Variants in USP9Y observed in about 807,000 individuals in gnomAD.
USP9Y encodes ubiquitin specific peptidase 9 Y-linked, also known as ubiquitin carboxyl-terminal hydrolase 9Y.
Under a neutral mutation model 53.1 loss-of-function variants are expected in USP9Y, and 41 were observed. That is an observed-to-expected ratio of 0.77 (90% CI 0.60 to 1.00). The LOEUF (loss-of-function observed/expected upper bound fraction) is 1.00. Ranked by LOEUF, USP9Y falls within the 50% of genes least tolerant of loss-of-function variation. The pLI is 0.00. For missense variants in USP9Y, 567 were observed against 535.8 expected, an observed-to-expected ratio of 1.06 and a Z score of -0.58; for synonymous variants, 220 against 173.7, an observed-to-expected ratio of 1.27 and a Z score of -2.09.
chrY:12,830,463 T>A lies in USP9Y; in HGVS notation c.5022-3225T>A, dbSNP rs752897674. Among the ~76,000 whole-genome samples the A allele has an allele frequency of 3.2e-4, 11 of 33,893 alleles. No individual in the cohort carries two copies. The South Asian group carries it at 7.1e-3, about 22-fold the overall frequency. 90.9% of individuals were successfully genotyped at this position (33,893 alleles called of 37,273 possible). ...ATTCAACAAGTGAAACTAATCAGTG[T>A]AATACACCACTTTAATAAATGAGCA... On this transcript the variant is annotated intron_variant, in intron 33 of 45. Coordinates refer to ENST00000338981, the MANE Select transcript of USP9Y (RefSeq NM_004654.4).
chrY:12,760,649 GA>G, intron 15 of USP9Y, 32 bp downstream of exon 15: 1 of 392,152 alleles, frequency 2.6e-6, no homozygotes, highest in Non-Finnish European at 3.6e-6. Flanking sequence ...TAACTATGGG[GA>G]ATCAACTTTG....
intron 12 of USP9Y, among the ~76,000 whole-genome samples, chrY:12,750,896 T>C (rs2053463730): frequency 3.0e-5 from 1 of 33,839 alleles, no homozygotes; most frequent in Admixed American, 2.7e-4. Context: ...CCAGAATGAC[T>C]AACCTTATTC....
intron 22 of USP9Y, among the ~76,000 whole-genome samples, chrY:12,785,386 G>C: frequency 3.0e-5 from 1 of 33,182 alleles, no homozygotes; most frequent in Non-Finnish European, 7.5e-5. Context: ...ACTAGATTTT[G>C]TTGATCCCCT....
intron 31 of USP9Y, among the ~76,000 whole-genome samples, chrY:12,815,312 C>A: frequency 3.0e-5 from 1 of 33,305 alleles, no homozygotes; most frequent in Non-Finnish European, 7.4e-5. Flanking sequence ...ACTGCAACCT[C>A]CACCTCCCGA....
At chrY:12,858,844 G>C in intron 45 of USP9Y, among the ~76,000 whole-genome samples, 1 of 33,457 alleles carries the variant, frequency 3.0e-5, no homozygotes, top group Non-Finnish European at 7.4e-5. Context: ...CTCCCAAGTA[G>C]CTAGGACTAC....
At chrY:12,826,430 A>G (rs2053546149) in intron 33 of USP9Y, among the ~76,000 whole-genome samples, 1 of 29,978 alleles carries the variant, frequency 3.3e-5, no homozygotes, top group African/African-American at 1.3e-4. Flanking sequence ...CTAAAAATAC[A>G]GAAATTAGCT....
rs754838111 is a variant in USP9Y, at chrY:12,815,290, C to T, written c.4610-834C>T. ...GTTGCCAGGCTGGAGTGCAGTGGCACGATATCGGCTCACTGCAACCTCCAC... is the reference window on the plus strand; with the variant it reads ...GTTGCCAGGCTGGAGTGCAGTGGCATGATATCGGCTCACTGCAACCTCCAC... On this transcript the variant is annotated intron_variant, in intron 31 of 45. Coordinates refer to ENST00000338981, the MANE Select transcript of USP9Y (RefSeq NM_004654.4). 3.9e-4 allele frequency among the ~76,000 whole-genome samples: 13 copies of T among 33,740 alleles called. No individual in the cohort carries two copies. The South Asian group carries it at 8.0e-3, about 21-fold the overall frequency. The allele number at this position is 33,740 out of a possible 37,273, so 90.5% of individuals were successfully genotyped here.
intron 22 of USP9Y, among the ~76,000 whole-genome samples, chrY:12,780,103 C>G (rs2053497554): frequency 8.8e-5 from 3 of 34,164 alleles, no homozygotes; most frequent in Admixed American, 2.6e-4. Context: ...ACTCTCTGGT[C>G]ATGTCACAGT....
chrY:12,767,963 G>A lies in USP9Y; in HGVS notation c.1901-3105G>A, dbSNP rs766614088. Among the ~76,000 whole-genome samples the A allele has an allele frequency of 5.3e-4, 17 of 31,899 alleles. No individual in the cohort carries two copies. In the East Asian group the frequency reaches 0.012, roughly 22 times the overall value. The allele number at this position is 31,899 out of a possible 37,273, so 85.6% of individuals were successfully genotyped here. On this transcript the variant is annotated intron_variant, in intron 15 of 45. Coordinates refer to ENST00000338981, the MANE Select transcript of USP9Y (RefSeq NM_004654.4). ...ATCTGGGTTCAAGTGATTCTCCTGC[G>A]TCAGCCTTCTGAGTATCTGGGATTA...
intron 1 of USP9Y, among the ~76,000 whole-genome samples, chrY:12,708,384 A>G (rs541888655): frequency 1.5e-4 from 5 of 33,438 alleles, no homozygotes; most frequent in African/African-American, 2.3e-4. Flanking sequence ...GACTATTAAA[A>G]AGGACCTTGG....
Position 12,825,908 on chromosome Y carries a change from C to A in USP9Y, c.5021+7298C>A, listed in dbSNP as rs1442089563. On this transcript the variant is annotated intron_variant, in intron 33 of 45. Transcript: ENST00000338981. ...AGTATATTTTCTTTTCTTTTCTTTTCTTTTCTTTTCTTTTCTTTTCTTTTC... is the reference window on the plus strand; with the variant it reads ...AGTATATTTTCTTTTCTTTTCTTTTATTTTCTTTTCTTTTCTTTTCTTTTC... Among the ~76,000 whole-genome samples, 52 of 23,931 alleles carry A rather than the reference C, an allele frequency of 2.2e-3. No individual in the cohort carries two copies. The East Asian group carries it at 0.053, about 25-fold the overall frequency. The allele number at this position is 23,931 out of a possible 37,273, so 64.2% of individuals were successfully genotyped here. A position where few individuals can be genotyped will look rare whatever the true frequency, so the allele number is the denominator to read the frequency against.
intron 26 of USP9Y, among the ~76,000 whole-genome samples, chrY:12,792,795 G>A (rs760878937): frequency 4.4e-4 from 15 of 33,857 alleles, no homozygotes; most frequent in Non-Finnish European, 8.1e-4. Context: ...TAGCAGTTAT[G>A]ATTGAGGCAG....
chrY:12,823,357 G>A, intron 33 of USP9Y, among the ~76,000 whole-genome samples: 1 of 33,051 alleles, frequency 3.0e-5, no homozygotes, highest in East Asian at 7.9e-4. Flanking sequence ...TTGTCTAGGA[G>A]AATTACTGTG....
intron 37 of USP9Y, among the ~76,000 whole-genome samples, chrY:12,841,558 C>T: frequency 1.6e-4 from 5 of 31,949 alleles, no homozygotes; most frequent in Non-Finnish European, 3.8e-4. Context: ...AGTGTGGTGA[C>T]TCACACCTGT....
chrY:12,792,796 A>G, intron 26 of USP9Y, among the ~76,000 whole-genome samples: 1 of 33,845 alleles, frequency 3.0e-5, no homozygotes, highest in Non-Finnish European at 7.3e-5. Flanking sequence ...AGCAGTTATG[A>G]TTGAGGCAGA....
intron 27 of USP9Y, chrY:12,801,926 T>C (rs2053519634): frequency 2.9e-5 from 1 of 34,098 alleles, no homozygotes; most frequent in Non-Finnish European, 7.3e-5. Flanking sequence ...GCTAATGATG[T>C]ATTCTGCTCA....
chrY:12,833,558 A>G, intron 33 of USP9Y, 130 bp from the exon 34 acceptor site: 1 of 206,365 alleles, frequency 4.8e-6, no homozygotes, highest in East Asian at 1.0e-4. Flanking sequence ...ATCTGCAAAC[A>G]ATGTGCGTTT....
chrY:12,706,847 C>T (rs2053419706), intron 1 of USP9Y, among the ~76,000 whole-genome samples: 3 of 32,596 alleles, frequency 9.2e-5, no homozygotes, highest in African/African-American at 3.6e-4. Flanking sequence ...TCAATCCTGC[C>T]CTTATGGAAT....
chrY:12,763,429 G>A (rs1340766760), intron 15 of USP9Y, among the ~76,000 whole-genome samples: 1 of 32,636 alleles, frequency 3.1e-5, no homozygotes, highest in African/African-American at 1.2e-4. Flanking sequence ...AATAAAATTT[G>A]TAGGATTTAC....
Sources: allele counts gnomAD v4.1 joint callset (sites outside exome capture counted in the v4.1 genomes callset), GRCh38; gene constraint gnomAD v4.1.1; transcripts MANE v1.5; gene names NCBI Gene and HGNC (gene_info 2026-07-23, HGNC 2026-07-21).